Variants in UBE2U observed in about 807,000 individuals in gnomAD.
The protein encoded by UBE2U is ubiquitin-conjugating enzyme E2 U.
UBE2U carries 39 observed loss-of-function variants against 41.2 expected under a neutral mutation model. That is an observed-to-expected ratio of 0.95 (90% CI 0.73 to 1.24). The LOEUF (loss-of-function observed/expected upper bound fraction) is 1.24. UBE2U is among the 50% of genes most tolerant of loss of function. The probability of loss-of-function intolerance (pLI) is 0.00; values close to 1 mark genes in which losing one functional copy is unlikely to be tolerated. For missense variants in UBE2U, 336 were observed against 363.1 expected (o/e 0.93, Z 0.61); for synonymous variants, 107 against 117.8 (o/e 0.91, Z 0.60).
chr1:64,263,977 A>C (rs1338454427), intron 9 of UBE2U, among the ~76,000 whole-genome samples: 11 of 152,172 alleles, frequency 7.2e-5, no homozygotes, highest in Admixed American at 7.2e-4. Flanking sequence ...GCATCAGACT[A>C]AAGTGGGTCA....
intron 6 of UBE2U, among the ~76,000 whole-genome samples, chr1:64,228,038 AGTT>A (rs1652996380): frequency 6.6e-6 from 1 of 152,186 alleles, no homozygotes; most frequent in South Asian, 2.1e-4. Context: ...AAATCTTAGC[AGTT>A]GTTTTTTTTC....
At chr1:64,217,296 G>T (rs1052607034) in intron 5 of UBE2U, among the ~76,000 whole-genome samples, 2 of 152,144 alleles carry the variant, frequency 1.3e-5, no homozygotes, top group Admixed American at 1.3e-4. Context: ...AATTGGATAA[G>T]GGGGCCTTTT....
intron 6 of UBE2U, among the ~76,000 whole-genome samples, chr1:64,223,478 ATTTAGCAGAAACTTTCCCCTG>A (rs1652635011): frequency 1.3e-5 from 2 of 152,166 alleles, no homozygotes; most frequent in Admixed American, 1.3e-4. Context: ...AATGAGTCAT[ATTTAGCAGAAACTTTCCCCTG>A]TGGTTTTTAT....
intron 7 of UBE2U, among the ~76,000 whole-genome samples, chr1:64,236,048 C>T (rs1289817942): frequency 6.6e-6 from 1 of 152,060 alleles, no homozygotes; most frequent in African/African-American, 2.4e-5. Flanking sequence ...GTCAGATTTA[C>T]CAGAGTTTCA....
intron 7 of UBE2U, among the ~76,000 whole-genome samples, chr1:64,234,341 CTTT>C (rs966354109): frequency 3.9e-5 from 6 of 152,268 alleles, no homozygotes; most frequent in Non-Finnish European, 8.8e-5. Context: ...TCCTACATCT[CTTT>C]ATCTCTCTCA....
chr1:64,229,007 C>T (rs1653093143), intron 6 of UBE2U, among the ~76,000 whole-genome samples: 1 of 151,994 alleles, frequency 6.6e-6, no homozygotes, highest in African/African-American at 2.4e-5. Flanking sequence ...ATTACAGGCA[C>T]ACGCCATCAT....
chr1:64,242,386 G>A (rs1644850745), intron 8 of UBE2U, among the ~76,000 whole-genome samples: 2 of 152,002 alleles, frequency 1.3e-5, no homozygotes. Flanking sequence ...ATTTTTTCTG[G>A]TGTGCTCATT....
rs182704119 is a variant in UBE2U, at chr1:64,238,393, G to A, written c.596-3259G>A. Among the ~76,000 whole-genome samples, 26 of 147,090 alleles carry A rather than the reference G, an allele frequency of 1.8e-4. No homozygotes were observed. In the East Asian group the frequency reaches 4.8e-3, roughly 27 times the overall value. ...CACTCCAGCCTGGGTGACAGAGTGA[G>A]ACTATCTTAAAAAAAAAAAAAAGAA... is the stretch of plus-strand genomic sequence containing the variant. On this transcript the variant is annotated intron_variant, in intron 7 of 9. Coordinates refer to ENST00000371077, the MANE Select transcript of UBE2U (RefSeq NM_001366232.2).
chr1:64,224,131 C>T (rs1003536553), intron 6 of UBE2U, among the ~76,000 whole-genome samples: 2 of 152,136 alleles, frequency 1.3e-5, no homozygotes, highest in East Asian at 3.9e-4. Flanking sequence ...TTTAAAGGGG[C>T]AGGCACGAGA....
intron 7 of UBE2U, among the ~76,000 whole-genome samples, chr1:64,239,106 AAG>A (rs1202641431): frequency 5.9e-4 from 6 of 10,144 alleles, no homozygotes; most frequent in Admixed American, 9.2e-4. Flanking sequence ...GAAGAAGAAG[AAG>A]AAGAAGAAGA....
At chr1:64,264,571 G>A (rs1173616647) in intron 9 of UBE2U, among the ~76,000 whole-genome samples, 1 of 152,188 alleles carries the variant, frequency 6.6e-6, no homozygotes, top group Non-Finnish European at 1.5e-5. Context: ...AAGGCAAATA[G>A]TCAAGGTGGT....
At chr1:64,245,217 T>A (rs891943815) in intron 8 of UBE2U, among the ~76,000 whole-genome samples, 1 of 152,206 alleles carries the variant, frequency 6.6e-6, no homozygotes, top group Non-Finnish European at 1.5e-5. Context: ...GGCTTGAGTG[T>A]CTTTTGTATT....
chr1:64,210,311 C>A (rs1167326305), intron 3 of UBE2U, among the ~76,000 whole-genome samples: 1 of 152,178 alleles, frequency 6.6e-6, no homozygotes, highest in Non-Finnish European at 1.5e-5. Context: ...CATAACAGGA[C>A]AACGCTGGAG....
At chr1:64,260,785 T>A in intron 9 of UBE2U, 91 bp downstream of exon 9, 1 of 986,130 alleles carries the variant, frequency 1.0e-6, no homozygotes. Context: ...TTTAAGTAAG[T>A]TGGAATATAT....
chr1:64,256,177 G>A (rs1284789515), intron 8 of UBE2U, among the ~76,000 whole-genome samples: 1 of 152,148 alleles, frequency 6.6e-6, no homozygotes, highest in Non-Finnish European at 1.5e-5. Flanking sequence ...TCAATATTGT[G>A]AAAATGGCCA....
At chr1:64,205,537 T>G in intron 1 of UBE2U, 102 bp from the exon 2 acceptor site, 1 of 914,298 alleles carries the variant, frequency 1.1e-6, no homozygotes, top group South Asian at 1.7e-5. Context: ...GGAAAGAAAA[T>G]TTAGAGTTTT....
chr1:64,244,166 A>G, intron 8 of UBE2U: 3 of 1,608,148 alleles, frequency 1.9e-6, no homozygotes, highest in Non-Finnish European at 2.6e-6. Context: ...ATAGGGGAAG[A>G]GCATGAGCTT....
chr1:64,233,684 T>C (rs117141526), intron 7 of UBE2U, among the ~76,000 whole-genome samples: 1 of 152,208 alleles, frequency 6.6e-6, no homozygotes, highest in Non-Finnish European at 1.5e-5. Flanking sequence ...CCATCATACA[T>C]CAGGAGCTAA....
At chr1:64,208,837 A>G (rs1651481710) in intron 3 of UBE2U, among the ~76,000 whole-genome samples, 1 of 152,160 alleles carries the variant, frequency 6.6e-6, no homozygotes. Context: ...CGTGGCATAT[A>G]GTAGGTATTC....
Sources: gnomAD v4.1 joint callset for allele counts (sites outside exome capture counted in the v4.1 genomes callset) on GRCh38, gnomAD v4.1.1 for gene constraint, MANE v1.5 for transcripts, NCBI Gene and HGNC (gene_info 2026-07-23, HGNC 2026-07-21) for gene names.